Variants in MYO15A observed in about 807,000 individuals in gnomAD.
MYO15A encodes the protein myosin XVA.
In MYO15A, 308 loss-of-function variants were observed where a neutral mutation model predicts 394.6. The observed-to-expected ratio is 0.78, with a 90% confidence interval of 0.71 to 0.86. The LOEUF (loss-of-function observed/expected upper bound fraction) is 0.86. MYO15A is among the 40% of genes least tolerant of loss of function. The pLI is 0.00. For synonymous variants in MYO15A, 1,957 were observed against 2,003.8 expected (o/e 0.98, Z 0.62); for missense variants, 4,606 against 4,799.1 (o/e 0.96, Z 1.19).
chr17:18,136,331 A>G (rs2142317813), intron 13 of MYO15A, 86 bp from the exon 14 acceptor site: 1 of 1,528,824 alleles, frequency 6.5e-7, no homozygotes, highest in Non-Finnish European at 9.0e-7. Context: ...TCCCTTCTCC[A>G]TGATCCCACT....
rs2046042707 is a variant in MYO15A at position 18,126,438 on chromosome 17, C to T, written c.3848C>T (p.Ala1283Val). 6 of 1,613,876 alleles carry T rather than the reference C, an allele frequency of 3.7e-6. No homozygotes were observed. Among genetic ancestry groups the T allele is most frequent in the Admixed American group, 1.7e-5 (1 of 60,020 alleles). Residue 1283 changes from alanine to valine, a missense_variant, in exon 5 of 66, where the codon GCC (alanine) becomes GTC (valine). This residue lies in a region of MYO15A where 2,776 missense variants were observed against 3,109.3 expected (regional missense o/e 0.89). Coordinates refer to ENST00000647165, the MANE Select transcript of MYO15A (RefSeq NM_016239.4). ...CAGGTGCAGCAGTACAACGGACGGG[C>T]CCTGGGAGAGAATCCCCCGTGAGTG... ...PEQVQQYNGRALGENPPHLFA... is the reference protein window; with the variant it reads ...PEQVQQYNGRVLGENPPHLFA...
chr17:18,173,328 C>T (rs935453998), intron 64 of MYO15A, among the ~76,000 whole-genome samples: 1 of 152,202 alleles, frequency 6.6e-6, no homozygotes, highest in African/African-American at 2.4e-5. Context: ...ACTTGACTCA[C>T]ATCTGCAGTC....
In MYO15A at chr17:18,151,557, A is replaced by T. The variant is rs1246435504; in HGVS notation, c.7787+30A>T. On this transcript the variant is annotated intron_variant, in intron 40 of 65. Transcript: ENST00000647165. ...GCACTGCCCCTGCCCCCAGCCCGCCAGCCCCCTCACTGTACCTGAGTGTCC... is the reference window on the plus strand; with the variant it reads ...GCACTGCCCCTGCCCCCAGCCCGCCTGCCCCCTCACTGTACCTGAGTGTCC... 1.9e-6 allele frequency: 3 copies of T among 1,612,544 alleles called. No homozygotes were observed. In the African/African-American group the frequency reaches 4.0e-5, roughly 22 times the overall value.
chr17:18,142,478 A>G (rs2046400150), intron 24 of MYO15A, among the ~76,000 whole-genome samples: 2 of 152,196 alleles, frequency 1.3e-5, no homozygotes, highest in African/African-American at 2.4e-5. Flanking sequence ...TTCAGCCAAG[A>G]GGGGCCTTAC....
chr17:18,164,334 C>T, intron 60 of MYO15A: 1 of 222,712 alleles, frequency 4.5e-6, no homozygotes, highest in Non-Finnish European at 9.1e-6. Context: ...CTGCTGACTG[C>T]CCACTCTAGA....
chr17:18,116,465 C>G (rs542211917), intron 1 of MYO15A, among the ~76,000 whole-genome samples: 1 of 152,382 alleles, frequency 6.6e-6, no homozygotes, highest in African/African-American at 2.4e-5. Context: ...TCTTTTGAGT[C>G]TGAGTTTCCT....
rs149123222 is a variant in MYO15A, at chr17:18,113,723, C to T, written c.-219-4859C>T. Among the ~76,000 whole-genome samples the T allele has an allele frequency of 3.9e-3, 572 of 147,660 alleles. 4 individuals carry two copies. Among genetic ancestry groups the T allele is most frequent in the African/African-American group, 0.014 (540 of 39,920 alleles). Reference sequence around the variant, plus strand: ...CATCACTGCTCTCCAGCCCGGTTGACGGAGTGAGACTGTCTCAAAAAAAAA... The same window carrying T: ...CATCACTGCTCTCCAGCCCGGTTGATGGAGTGAGACTGTCTCAAAAAAAAA... On this transcript the variant is annotated intron_variant, in intron 1 of 65. Transcript: ENST00000647165.
At position 18,150,800 on chromosome 17, in the gene MYO15A, T is replaced by G; in HGVS notation, c.7395+35T>G. The G allele has an allele frequency of 7.6e-6, 12 of 1,582,944 alleles. No individual in the cohort carries two copies. The highest frequency in any genetic ancestry group is 1.7e-4 in the Middle Eastern group (1 of 5,832). On this transcript the variant is annotated intron_variant, in intron 37 of 65. Transcript: ENST00000647165. This position sits in a 1 kb window ranked among gnomAD's most constrained non-coding sequence, Gnocchi z 4.4. ...GGAGGGACTGCTGGGGGGTGGAGAA[T>G]GGACCTGCCTGGTCACCACTGCCAC...
chr17:18,139,849 G>A (rs1327213824), intron 19 of MYO15A, among the ~76,000 whole-genome samples: 1 of 152,176 alleles, frequency 6.6e-6, no homozygotes, highest in Non-Finnish European at 1.5e-5. Context: ...AGCCCCAGTG[G>A]CTAGACTCTG....
Position 18,141,718 on chromosome 17 carries a change from T to TGA in MYO15A, c.5599_5600dup (p.Ser1867ArgfsTer37), listed in dbSNP as rs2046385977. The TGA allele has an allele frequency of 6.2e-7, 1 of 1,614,112 alleles. No homozygotes were observed. The highest frequency in any genetic ancestry group is 1.3e-5 in the African/African-American group (1 of 75,042). On this transcript the variant is annotated frameshift_variant, in exon 23 of 66. Coordinates refer to ENST00000647165, the MANE Select transcript of MYO15A (RefSeq NM_016239.4). LOFTEE classifies it high-confidence loss of function. ...AATGGGGACATGTGTGTGTCAGTGC[T>TGA]GAGTCGCCTGTGCAAAGTCATGCCA...
chr17:18,161,104 A>G, intron 56 of MYO15A: 1 of 704,412 alleles, frequency 1.4e-6, no homozygotes, highest in Non-Finnish European at 2.6e-6. Flanking sequence ...TACCTGGGGA[A>G]GATGTCTGGG....
chr17:18,163,360 G>T (rs866582016), intron 59 of MYO15A, 39 bp downstream of exon 59: 1 of 1,599,760 alleles, frequency 6.3e-7, no homozygotes, highest in Non-Finnish European at 8.6e-7. Context: ...GGTACTGGAG[G>T]GGCAGGGACA....
rs567455320 is a variant in MYO15A, at chr17:18,118,914, G to A, written c.114G>A (p.Met38Ile). 6.2e-7 allele frequency: 1 copy of A among 1,613,862 alleles called. No homozygotes were observed. The highest frequency in any genetic ancestry group is 1.3e-5 in the African/African-American group (1 of 75,050). Residue 38 changes from methionine to isoleucine, a missense_variant, in exon 2 of 66, where the codon ATG becomes ATA. Transcript: ENST00000647165. ...RSLKGTSRLFMGFRDRTPKIS... is the reference protein window; with the variant it reads ...RSLKGTSRLFIGFRDRTPKIS... ...TGAAGGGGACGTCGCGGCTGTTCAT[G>A]GGCTTCCGCGACCGTACACCCAAGA...
intron 12 of MYO15A, among the ~76,000 whole-genome samples, chr17:18,134,599 T>G (rs2046230624): frequency 6.6e-6 from 1 of 152,210 alleles, no homozygotes; most frequent in Admixed American, 6.5e-5. Context: ...TACATCTTTA[T>G]TAGCTGGGTA....
intron 1 of MYO15A, among the ~76,000 whole-genome samples, chr17:18,116,731 G>A (rs1241938346): frequency 1.3e-5 from 2 of 152,104 alleles, no homozygotes; most frequent in Non-Finnish European, 2.9e-5. Context: ...GACCATCCCG[G>A]CCAACATGGT....
At position 18,158,530 on chromosome 17, in the gene MYO15A, C is replaced by T. The variant is rs760728238; in HGVS notation, c.8975C>T (p.Pro2992Leu). 17 of 1,613,972 alleles carry T rather than the reference C, an allele frequency of 1.1e-5. No homozygotes were observed. Among genetic ancestry groups the T allele is most frequent in the Admixed American group, 5.0e-5 (3 of 59,996 alleles). The change falls in exon 52 of 66, where the codon CCA (proline) becomes CTA (leucine). Residue 2992 changes from proline to leucine, a missense_variant. Transcript: ENST00000647165. ...GCTCCGCCTCTTCTGCAGGGTCCCCCAGTCAGGGCCCGCTCTGCTGACCAT... is the reference window on the plus strand; with the variant it reads ...GCTCCGCCTCTTCTGCAGGGTCCCCTAGTCAGGGCCCGCTCTGCTGACCAT... ...QEVGRRREGPPVRARSADHGE... is the reference protein window; with the variant it reads ...QEVGRRREGPLVRARSADHGE...
intron 65 of MYO15A, among the ~76,000 whole-genome samples, chr17:18,175,292 C>CTGTTTTTTTTT (rs2046999338): frequency 1.1e-5 from 1 of 91,288 alleles, no homozygotes; most frequent in South Asian, 3.4e-4. Context: ...TCTAGACTAT[C>CTGTTTTTTTTT]TTTTTTTTTT....
Position 18,151,855 on chromosome 17 carries a change from C to T in MYO15A, c.7797C>T (p.Gly2599=), listed in dbSNP as rs1193970461. ...ACTCCAATGCCCACAGGAAGGATGG[C>T]GGGAAAGTGTTCATGAAGCGGCCAG... ...GGRPEALRKD[G]GKVFMKRPDP... is the part of the protein sequence containing the mutation. Residue 2599 remains glycine, a synonymous_variant, in exon 41 of 66, where the codon GGC becomes GGT. Transcript: ENST00000647165. The T allele has an allele frequency of 1.6e-5, 25 of 1,575,672 alleles. No homozygotes were observed. The highest frequency in any genetic ancestry group is 1.3e-4 in the South Asian group (11 of 85,628).
At chr17:18,142,675 G>A in intron 24 of MYO15A, 81 bp from the exon 25 acceptor site, 1 of 1,237,266 alleles carries the variant, frequency 8.1e-7, no homozygotes, top group East Asian at 2.4e-5. Context: ...CCCAGGCCAG[G>A]CTGGCAAGGG....
Sources: gnomAD v4.1 joint callset for allele counts (sites outside exome capture counted in the v4.1 genomes callset) on GRCh38, gnomAD v4.1.1 for gene constraint, gnomAD v4.1.1 regional missense constraint, Gnocchi (gnomAD v3.1) non-coding constraint, MANE v1.5 for transcripts, NCBI Gene and HGNC (gene_info 2026-07-23, HGNC 2026-07-21) for gene names.